Variants in TRAF2 observed in about 807,000 individuals in gnomAD.
TRAF2 encodes the protein TNF receptor-associated factor 2.
TRAF2 carries 6 observed loss-of-function variants against 55.6 expected under a neutral mutation model. The ratio of observed to expected loss-of-function variants is 0.11; its 90% CI spans 0.06 to 0.21. The LOEUF (loss-of-function observed/expected upper bound fraction) is 0.21. Ranked by LOEUF, TRAF2 falls within the 10% of genes least tolerant of loss-of-function variation. The pLI is 1.00. For synonymous variants in TRAF2, 329 were observed against 276.3 expected (o/e 1.19, Z -1.89); for missense variants, 561 against 684.5 (o/e 0.82, Z 2.01).
At chr9:136,912,760 C>G (rs1370363197) in intron 6 of TRAF2, among the ~76,000 whole-genome samples, 5 of 152,116 alleles carry the variant, frequency 3.3e-5, no homozygotes, top group Admixed American at 3.3e-4. Flanking sequence ...TTGCTTGAAC[C>G]CAGGAGGTGG....
At chr9:136,905,071 G>A (rs1849914628) in intron 4 of TRAF2, among the ~76,000 whole-genome samples, 1 of 152,242 alleles carries the variant, frequency 6.6e-6, no homozygotes, top group South Asian at 2.1e-4. Flanking sequence ...AAGTGCCTGT[G>A]CTGTCCAGAG....
In TRAF2 at chr9:136,916,586, A is replaced by C. The variant is rs780369173; in HGVS notation, c.649A>C (p.Arg217=). ...KTCGKCRVPC[R]FHAIGCLETV... ...TTGTGGCAAGTGTCGAGTCCCTTGC[A>C]GATTCCACGCCATCGGCTGCCTCGA... The change falls in exon 7 of 11, where the codon AGA becomes CGA. Residue 217 remains arginine (R), a synonymous_variant. Transcript: ENST00000247668. 12 of 1,614,066 alleles carry C rather than the reference A, an allele frequency of 7.4e-6. No homozygotes were observed. Among genetic ancestry groups the C allele is most frequent in the Non-Finnish European group, 8.5e-6 (10 of 1,179,990 alleles).
rs570191529 is a variant in TRAF2 at position 136,917,010 on chromosome 9, C to T, written c.678+395C>T. The stretch of plus-strand genomic sequence containing the variant: ...GGCAGCACTCTAACCCAGCGGCTGT[C>T]GCTGAGCCCTCCGCCACCAGCAGGC... On this transcript the variant is annotated intron_variant, in intron 7 of 10. Transcript: ENST00000247668. Among the ~76,000 whole-genome samples the T allele has an allele frequency of 2.6e-4, 40 of 152,290 alleles. No homozygotes were observed. The East Asian group carries it at 6.4e-3, about 24-fold the overall frequency.
At chr9:136,881,998 C>A (rs1435299352), upstream of TRAF2, 1 of 985,464 alleles carries the variant, frequency 1.0e-6, no homozygotes, top group Non-Finnish European at 1.2e-6. Context: ...AAGAGGCAAG[C>A]TCTCGGTGTG....
intron 10 of TRAF2, among the ~76,000 whole-genome samples, chr9:136,924,946 C>T (rs7860304): frequency 0.82 from 125,045 of 151,998 alleles, 52,011 homozygotes; most frequent in African/African-American, 0.96. Context: ...TCCATGTTGG[C>T]CAGGCTGGTC....
chr9:136,908,380 C>A, intron 5 of TRAF2, 149 bp downstream of exon 5: 1 of 909,770 alleles, frequency 1.1e-6, no homozygotes, highest in Non-Finnish European at 1.6e-6. Context: ...GCGGATGTTT[C>A]TTGGCAGAAC....
intron 4 of TRAF2, among the ~76,000 whole-genome samples, chr9:136,901,754 G>A (rs1196430833): frequency 6.6e-6 from 1 of 152,166 alleles, no homozygotes; most frequent in African/African-American, 2.4e-5. Flanking sequence ...CCAGAGCTGG[G>A]ATCTCCTGCT....
intron 4 of TRAF2, among the ~76,000 whole-genome samples, chr9:136,901,579 A>G (rs972227437): frequency 9.2e-5 from 14 of 152,200 alleles, no homozygotes; most frequent in African/African-American, 2.9e-4. Flanking sequence ...GGGTACAGGA[A>G]GTAGAATGGA....
upstream of TRAF2, among the ~76,000 whole-genome samples, chr9:136,884,952 C>T (rs1849418008): frequency 1.3e-5 from 2 of 152,250 alleles, no homozygotes; most frequent in African/African-American, 2.4e-5. Context: ...CGTTTGAGAG[C>T]TCAGTTAGTT....
At chr9:136,908,274 G>A (rs1014946006) in intron 5 of TRAF2, 43 bp downstream of exon 5, 12 of 1,513,414 alleles carry the variant, frequency 7.9e-6, no homozygotes, top group Middle Eastern at 2.0e-4. Context: ...GCAGCCATGC[G>A]GGGCTGAGCT....
rs1215130284 is a variant in TRAF2, at chr9:136,899,590, C to G, written c.189-4C>G. The G allele has an allele frequency of 1.9e-6, 3 of 1,604,780 alleles. No individual in the cohort carries two copies. The highest frequency in any genetic ancestry group is 3.4e-5 in the Admixed American group (2 of 58,886). Reference sequence around the variant, plus strand: ...GGTTGTTTTTTGCCTTTTTTCCCCACTAGCTCTGGGCCTCAGAACTGTGCT... The same window carrying G: ...GGTTGTTTTTTGCCTTTTTTCCCCAGTAGCTCTGGGCCTCAGAACTGTGCT... On this transcript the variant is annotated splice_region_variant and splice_polypyrimidine_tract_variant and intron_variant, in intron 2 of 10. Transcript: ENST00000247668.
chr9:136,923,704 G>T, intron 9 of TRAF2, 148 bp from the exon 10 acceptor site: 8 of 489,934 alleles, frequency 1.6e-5, no homozygotes, highest in South Asian at 7.1e-5. Flanking sequence ...TGCATAGTTT[G>T]AGGGAAAAAA....
At chr9:136,916,746 C>T (rs952361072) in intron 7 of TRAF2, 131 bp downstream of exon 7, 12 of 870,634 alleles carry the variant, frequency 1.4e-5, no homozygotes, top group Admixed American at 7.6e-5. Flanking sequence ...CTCCTCCTGC[C>T]CCGGCTGTCC....
chr9:136,908,081 A>T lies in TRAF2; in HGVS notation c.378A>T (p.Glu126Asp), dbSNP rs757702053. The change falls in exon 5 of 11, where the codon GAA (glutamate) becomes GAT (aspartate). Residue 126 changes from glutamate (E) to aspartate (D), a missense_variant. This residue lies in a region of TRAF2 where 426 missense variants were observed against 476.8 expected (regional missense o/e 0.89). Transcript: ENST00000247668. ...GTLKEYESCH[E>D]GRCPLMLTEC... ...CCTTTCGTTGCTAGAGCTGCCACGAAGGCCGCTGCCCGCTCATGCTGACCG... is the reference window on the plus strand; with the variant it reads ...CCTTTCGTTGCTAGAGCTGCCACGATGGCCGCTGCCCGCTCATGCTGACCG... 2.5e-6 allele frequency: 4 copies of T among 1,602,050 alleles called. No individual in the cohort carries two copies. The highest frequency in any genetic ancestry group is 1.1e-5 in the South Asian group (1 of 90,724).
intron 7 of TRAF2, among the ~76,000 whole-genome samples, chr9:136,919,492 T>C (rs200754180): frequency 6.6e-6 from 1 of 151,274 alleles, no homozygotes; most frequent in Non-Finnish European, 1.5e-5. Flanking sequence ...ACAGGGTTTC[T>C]CCATGTTGGT....
chr9:136,911,556 C>A (rs1374225944), intron 6 of TRAF2, among the ~76,000 whole-genome samples: 2 of 152,030 alleles, frequency 1.3e-5, no homozygotes, highest in Admixed American at 6.6e-5. Flanking sequence ...TGAGCCACTG[C>A]CCCAGCCCAT....
intron 4 of TRAF2, among the ~76,000 whole-genome samples, 173 bp from the exon 5 acceptor site, chr9:136,907,897 T>A (rs1479544830): frequency 1.3e-5 from 2 of 151,736 alleles, no homozygotes; most frequent in South Asian, 2.1e-4. Flanking sequence ...TGATCTGATC[T>A]CCTCCTGCCC....
intron 3 of TRAF2, among the ~76,000 whole-genome samples, chr9:136,900,146 G>A (rs1008949280): frequency 3.3e-5 from 5 of 149,396 alleles, no homozygotes; most frequent in African/African-American, 1.2e-4. Context: ...TCCAACCTGG[G>A]TTACAAAGTG....
At chr9:136,907,929 G>T in intron 4 of TRAF2, 141 bp from the exon 5 acceptor site, 2 of 1,014,584 alleles carry the variant, frequency 2.0e-6, no homozygotes, top group Non-Finnish European at 2.9e-6. Flanking sequence ...GGAGCCCTGA[G>T]AGCTATCTGC....
Sources: allele counts gnomAD v4.1 joint callset (sites outside exome capture counted in the v4.1 genomes callset), GRCh38; gene constraint gnomAD v4.1.1; regional missense constraint gnomAD v4.1.1; transcripts MANE v1.5; gene names NCBI Gene and HGNC (gene_info 2026-07-23, HGNC 2026-07-21).